PAPPA: variants seen among roughly 807,000 people sequenced by gnomAD.
PAPPA encodes pappalysin 1, also known as pappalysin-1.
In PAPPA, 60 loss-of-function variants were observed where a neutral mutation model predicts 164.0. The observed-to-expected ratio is 0.37, with a 90% CI of 0.30 to 0.45. The LOEUF is 0.45. Ranked by LOEUF, PAPPA falls within the 20% of genes least tolerant of loss-of-function variation. The probability of loss-of-function intolerance (pLI) is 1.00; values close to 1 mark genes in which losing one functional copy is unlikely to be tolerated. For missense variants in PAPPA, 1,782 were observed against 2,087.3 expected (o/e 0.85, Z 2.85); for synonymous variants, 875 against 814.1 (o/e 1.07, Z -1.27).
chr9:116,220,350 G>C (rs1844429071), intron 5 of PAPPA, among the ~76,000 whole-genome samples: 1 of 151,832 alleles, frequency 6.6e-6, no homozygotes, highest in African/African-American at 2.4e-5. Context: ...TAAGTGAATG[G>C]GTACTTAGAT....
At chr9:116,243,301 T>C (rs949528938) in intron 7 of PAPPA, among the ~76,000 whole-genome samples, 2 of 152,232 alleles carry the variant, frequency 1.3e-5, no homozygotes, top group Non-Finnish European at 2.9e-5. Flanking sequence ...TTAGTCACTG[T>C]GTTAACCATC....
At chr9:116,244,705 C>T (rs1288388268) in intron 7 of PAPPA, among the ~76,000 whole-genome samples, 1 of 152,120 alleles carries the variant, frequency 6.6e-6, no homozygotes, top group African/African-American at 2.4e-5. Flanking sequence ...AACCCTTATA[C>T]ACTTCTGATG....
At chr9:116,306,705 A>T (rs1407085757) in intron 10 of PAPPA, among the ~76,000 whole-genome samples, 1 of 152,130 alleles carries the variant, frequency 6.6e-6, no homozygotes, top group South Asian at 2.1e-4. Flanking sequence ...AATATCTTGT[A>T]TTGTTCTTAT....
intron 4 of PAPPA, among the ~76,000 whole-genome samples, chr9:116,214,547 G>A (rs905151509): frequency 3.9e-5 from 6 of 152,094 alleles, no homozygotes; most frequent in Non-Finnish European, 8.8e-5. Flanking sequence ...AGGTTGAGAG[G>A]GCCACAAATG....
At chr9:116,386,807 C>T (rs911602396) in intron 21 of PAPPA, among the ~76,000 whole-genome samples, 4 of 152,090 alleles carry the variant, frequency 2.6e-5, no homozygotes, top group Non-Finnish European at 4.4e-5. Flanking sequence ...AAGATGGGGT[C>T]GGGGGAAGAT....
intron 10 of PAPPA, among the ~76,000 whole-genome samples, chr9:116,307,703 G>T (rs963419530): frequency 4.6e-5 from 7 of 152,058 alleles, no homozygotes; most frequent in Non-Finnish European, 8.8e-5. Context: ...AAATATATTT[G>T]AGTCCTGCAC....
At chr9:116,335,187 C>A in intron 13 of PAPPA, 113 bp downstream of exon 13, 2 of 839,608 alleles carry the variant, frequency 2.4e-6, no homozygotes, top group East Asian at 2.6e-5. Flanking sequence ...GCATTTCTCC[C>A]TTCTCCATCC....
chr9:116,194,611 G>A (rs920763797), intron 2 of PAPPA, among the ~76,000 whole-genome samples: 16 of 152,298 alleles, frequency 1.1e-4, no homozygotes, highest in Admixed American at 3.9e-4. Flanking sequence ...TGCTCAGTAA[G>A]AGCCGCTGGT....
chr9:116,262,333 G>T (rs944106242), intron 7 of PAPPA, among the ~76,000 whole-genome samples: 3 of 152,102 alleles, frequency 2.0e-5, no homozygotes, highest in Non-Finnish European at 4.4e-5. Flanking sequence ...TACTACTACG[G>T]ATGGTTGAAG....
At chr9:116,358,801 C>G (rs1290549118) in intron 17 of PAPPA, among the ~76,000 whole-genome samples, 1 of 152,192 alleles carries the variant, frequency 6.6e-6, no homozygotes, top group Non-Finnish European at 1.5e-5. Flanking sequence ...ACATTGGCAA[C>G]CTTTGTGACT....
At chr9:116,379,323 G>A (rs1310433122) in intron 20 of PAPPA, among the ~76,000 whole-genome samples, 1 of 152,144 alleles carries the variant, frequency 6.6e-6, no homozygotes, top group Non-Finnish European at 1.5e-5. Context: ...ATATCCAGAG[G>A]TATCCAAGAT....
chr9:116,361,239 C>T (rs1371890768), intron 17 of PAPPA, among the ~76,000 whole-genome samples: 2 of 152,162 alleles, frequency 1.3e-5, no homozygotes, highest in Non-Finnish European at 1.5e-5. Context: ...ACAGCCAGCT[C>T]CTCTGGCCTC....
chr9:116,350,966 T>C (rs1030375071), intron 15 of PAPPA, among the ~76,000 whole-genome samples: 2 of 152,194 alleles, frequency 1.3e-5, no homozygotes, highest in African/African-American at 4.8e-5. Context: ...GCTAACCAGA[T>C]GAATCATACT....
intron 2 of PAPPA, among the ~76,000 whole-genome samples, chr9:116,193,041 A>G (rs988415555): frequency 2.0e-5 from 3 of 151,828 alleles, no homozygotes; most frequent in Non-Finnish European, 2.9e-5. Flanking sequence ...AAAAAAAGAC[A>G]CTTTCCCTAT....
rs76481139 is a variant in PAPPA, at chr9:116,195,730, C to G, written c.1478+7514C>G. On this transcript the variant is annotated intron_variant, in intron 2 of 21. Coordinates refer to ENST00000328252, the MANE Select transcript of PAPPA (RefSeq NM_002581.5). The stretch of plus-strand genomic sequence containing the variant: ...TGCCCTCCTCCGATAGATCTTCTCG[C>G]TTCTTATTGTGCATATCCCGAAATT... Among the ~76,000 whole-genome samples, 959 of 152,298 alleles carry G rather than the reference C, an allele frequency of 6.3e-3. 12 individuals are homozygous for G. The highest frequency in any genetic ancestry group is 0.022 in the African/African-American group (923 of 41,546).
At chr9:116,320,814 A>C (rs920846157) in intron 10 of PAPPA, among the ~76,000 whole-genome samples, 1 of 152,028 alleles carries the variant, frequency 6.6e-6, no homozygotes, top group Non-Finnish European at 1.5e-5. Context: ...CTTCCCTTAA[A>C]GTTTTCTGTG....
At position 116,369,026 on chromosome 9, in the gene PAPPA, T is replaced by C. The variant is rs548105005; in HGVS notation, c.4605+1272T>C. On this transcript the variant is annotated intron_variant, in intron 19 of 21. Coordinates refer to ENST00000328252, the MANE Select transcript of PAPPA (RefSeq NM_002581.5). ...CTCTTTTTCTGTCTTCATCTTACTC[T>C]CACTAATTTTTTTCCTATCTCTGTT... is the stretch of plus-strand genomic sequence containing the variant. 1.5e-4 allele frequency among the ~76,000 whole-genome samples: 23 copies of C among 152,196 alleles called. No homozygotes were observed. In the South Asian group the frequency reaches 4.8e-3, roughly 32 times the overall value.
At chr9:116,185,381 G>A (rs929116575) in intron 1 of PAPPA, among the ~76,000 whole-genome samples, 3 of 152,164 alleles carry the variant, frequency 2.0e-5, no homozygotes, top group African/African-American at 7.2e-5. Flanking sequence ...TGCTGACAAA[G>A]AGATTTACAC....
intron 10 of PAPPA, among the ~76,000 whole-genome samples, chr9:116,325,811 AG>A (rs1252122345): frequency 1.3e-5 from 2 of 152,228 alleles, no homozygotes; most frequent in Admixed American, 6.5e-5. Context: ...AGGATCAATA[AG>A]GTACAGAACA....
Sources: gnomAD v4.1 joint callset for allele counts (sites outside exome capture counted in the v4.1 genomes callset) on GRCh38, gnomAD v4.1.1 for gene constraint, MANE v1.5 for transcripts, NCBI Gene and HGNC (gene_info 2026-07-23, HGNC 2026-07-21) for gene names.